SLC7A11: variants seen among roughly 807,000 people sequenced by gnomAD.
The protein encoded by SLC7A11 is cystine/glutamate transporter.
SLC7A11 carries 35 observed loss-of-function variants against 54.5 expected under a neutral mutation model. That is an observed-to-expected ratio of 0.64 (90% CI 0.49 to 0.85). The LOEUF is 0.85. Among genes scored for constraint, SLC7A11 ranks in the 40% least tolerant of loss-of-function variants. The probability of loss-of-function intolerance (pLI) is 0.00; values close to 1 mark genes in which losing one functional copy is unlikely to be tolerated. For missense variants in SLC7A11, 583 were observed against 618.1 expected (o/e 0.94, Z 0.60); for synonymous variants, 230 against 225.2 (o/e 1.02, Z -0.19).
chr4:138,180,196 C>G (rs1197850709), intron 10 of SLC7A11, among the ~76,000 whole-genome samples: 1 of 152,000 alleles, frequency 6.6e-6, no homozygotes, highest in Non-Finnish European at 1.5e-5. Flanking sequence ...TGTAACAAGT[C>G]ACAACATTTA....
At chr4:138,228,076 A>C (rs7669379) in intron 3 of SLC7A11, among the ~76,000 whole-genome samples, 62,369 of 152,022 alleles carry the variant, frequency 0.41, 13,729 homozygotes, top group Middle Eastern at 0.61. Flanking sequence ...AGATTTCAAA[A>C]AGAATATAAA....
At position 138,164,576 on chromosome 4, in the gene SLC7A11, A is replaced by G. The variant is rs983727974; in HGVS notation, c.*7380T>C. 3.3e-5 allele frequency: 5 copies of G among 152,178 alleles called. No individual in the cohort carries two copies. The highest frequency in any genetic ancestry group is 5.9e-5 in the Non-Finnish European group (4 of 68,002). 9.4% of individuals were successfully genotyped at this position (152,178 alleles called of 1,614,324 possible). Reference sequence around the variant, plus strand: ...CATAGATAAATATCTTAGTTCTAATATGATTGGAATGTGGATGCAGAAATA... The same window carrying G: ...CATAGATAAATATCTTAGTTCTAATGTGATTGGAATGTGGATGCAGAAATA... On this transcript the variant is annotated 3_prime_UTR_variant, in exon 12 of 12. Transcript: ENST00000280612.
intron 6 of SLC7A11, among the ~76,000 whole-genome samples, chr4:138,195,850 G>T (rs1157890121): frequency 6.6e-6 from 1 of 152,168 alleles, no homozygotes; most frequent in African/African-American, 2.4e-5. Context: ...GAGAAGGGTT[G>T]TCAGGACGGT....
intron 7 of SLC7A11, 119 bp from the exon 8 acceptor site, chr4:138,183,424 A>T (rs1347488788): frequency 1.8e-5 from 12 of 678,536 alleles, no homozygotes; most frequent in Non-Finnish European, 2.9e-5. Flanking sequence ...TGTATGTTTT[A>T]TAATTTCTCT....
intron 4 of SLC7A11, among the ~76,000 whole-genome samples, chr4:138,221,554 TTC>T (rs1295717857): frequency 6.6e-6 from 1 of 152,164 alleles, no homozygotes; most frequent in Non-Finnish European, 1.5e-5. Context: ...CTCAGGGAAT[TTC>T]TCTGTTGTGT....
intron 3 of SLC7A11, 66 bp from the exon 4 acceptor site, chr4:138,223,390 T>C (rs1737864243): frequency 1.9e-6 from 3 of 1,568,918 alleles, no homozygotes; most frequent in Non-Finnish European, 2.6e-6. Context: ...TTTAGGTCCT[T>C]GTTACTCAAA....
chr4:138,180,288 C>A (rs1397639224), intron 10 of SLC7A11, among the ~76,000 whole-genome samples: 1 of 152,236 alleles, frequency 6.6e-6, no homozygotes, highest in East Asian at 1.9e-4. Context: ...CTCCTCCTCA[C>A]CATGGCTGTC....
chr4:138,195,874 G>A (rs1417865891), intron 6 of SLC7A11, among the ~76,000 whole-genome samples: 1 of 152,130 alleles, frequency 6.6e-6, no homozygotes, highest in Non-Finnish European at 1.5e-5. Flanking sequence ...TTATCCTCAA[G>A]CATAACTCTG....
chr4:138,223,243 G>T lies in SLC7A11; in HGVS notation c.602C>A (p.Ala201Glu). 1 of 1,613,520 alleles carries T rather than the reference G, an allele frequency of 6.2e-7. No individual in the cohort carries two copies. The highest frequency in any genetic ancestry group is 2.2e-5 in the East Asian group (1 of 44,872). Residue 201 changes from alanine (A) to glutamate (E), a missense_variant, in exon 4 of 12, where the codon GCA becomes GAA. By Grantham distance (107) the Ala-to-Glu change is moderately radical. Coordinates refer to ENST00000280612, the MANE Select transcript of SLC7A11 (RefSeq NM_014331.4). ...QIFLTFCKLT[A>E]ILIIIVPGVM... ...TCCAGGGACTATAATTATCAGAATT[G>T]CTGTGAGCTTGCAAAAGGTTAAGAA...
rs961095003 is a variant in SLC7A11 at position 138,167,662 on chromosome 4, A to G, written c.*4294T>C. On this transcript the variant is annotated 3_prime_UTR_variant, in exon 12 of 12. Transcript: ENST00000280612. ...TGACCCATTATCTACTCTAATTTAT[A>G]TCCACTATGAGCTTCTTCCCAGTTG... 2 of 152,206 alleles carry G rather than the reference A, an allele frequency of 1.3e-5. No homozygotes were observed. The highest frequency in any genetic ancestry group is 2.4e-5 in the African/African-American group (1 of 41,462). The allele number at this position is 152,206 out of a possible 1,614,324, so 9.4% of individuals were successfully genotyped here.
intron 7 of SLC7A11, among the ~76,000 whole-genome samples, chr4:138,184,380 T>C (rs1165030217): frequency 2.0e-5 from 3 of 152,258 alleles, no homozygotes; most frequent in East Asian, 3.9e-4. Flanking sequence ...TTCATTGTTA[T>C]GAGGTCAAGA....
At chr4:138,194,940 T>G (rs1737096804) in intron 6 of SLC7A11, among the ~76,000 whole-genome samples, 1 of 152,212 alleles carries the variant, frequency 6.6e-6, no homozygotes, top group African/African-American at 2.4e-5. Context: ...CACTTGCTCA[T>G]GTAACAGAGC....
At chr4:138,186,935 A>C (rs1736895776) in intron 6 of SLC7A11, among the ~76,000 whole-genome samples, 1 of 152,176 alleles carries the variant, frequency 6.6e-6, no homozygotes, top group Admixed American at 6.5e-5. Flanking sequence ...AGAGGAAAAG[A>C]AGAAGAGAAA....
rs921800406 is a variant in SLC7A11, at chr4:138,164,301, A to C, written c.*7655T>G. The C allele has an allele frequency of 3.3e-5, 5 of 152,144 alleles. No homozygotes were observed. The highest frequency in any genetic ancestry group is 1.2e-4 in the African/African-American group (5 of 41,446). The allele number at this position is 152,144 out of a possible 1,614,324, so 9.4% of individuals were successfully genotyped here. A position where few individuals can be genotyped will look rare whatever the true frequency, so the allele number is the denominator to read the frequency against. On this transcript the variant is annotated 3_prime_UTR_variant, in exon 12 of 12. Transcript: ENST00000280612. ...TATTCCATACAAAAGCACATGCATCAAGAGTTTCCATAAGATGAAAACAAA... is the reference window on the plus strand; with the variant it reads ...TATTCCATACAAAAGCACATGCATCCAGAGTTTCCATAAGATGAAAACAAA...
chr4:138,173,454 G>A (rs1479924065), intron 11 of SLC7A11, among the ~76,000 whole-genome samples: 3 of 151,920 alleles, frequency 2.0e-5, no homozygotes, highest in Non-Finnish European at 4.4e-5. Flanking sequence ...CACTAACATG[G>A]AGAAACCCCA....
At chr4:138,181,493 C>A (rs1018784375) in intron 9 of SLC7A11, among the ~76,000 whole-genome samples, 2 of 152,002 alleles carry the variant, frequency 1.3e-5, no homozygotes, top group African/African-American at 2.4e-5. Flanking sequence ...TCTGTTCCCA[C>A]AAGTGACGTT....
intron 6 of SLC7A11, among the ~76,000 whole-genome samples, chr4:138,191,942 T>C (rs4863770): frequency 0.37 from 56,026 of 151,886 alleles, 10,806 homozygotes; most frequent in Middle Eastern, 0.52. Flanking sequence ...AACAAAAAAC[T>C]AAGAACACAA....
At chr4:138,219,795 T>C (rs2148443338) in intron 4 of SLC7A11, among the ~76,000 whole-genome samples, 1 of 152,296 alleles carries the variant, frequency 6.6e-6, no homozygotes, top group East Asian at 1.9e-4. Context: ...AATGAGGAGA[T>C]GGAAATAAAT....
intron 11 of SLC7A11, among the ~76,000 whole-genome samples, chr4:138,172,880 G>A (rs149524443): frequency 3.3e-5 from 5 of 152,158 alleles, no homozygotes; most frequent in South Asian, 2.1e-4. Context: ...AGTTTCACTC[G>A]TTGCCCAGGT....
Sources: allele counts gnomAD v4.1 joint callset (sites outside exome capture counted in the v4.1 genomes callset), GRCh38; gene constraint gnomAD v4.1.1; transcripts MANE v1.5; gene names NCBI Gene and HGNC (gene_info 2026-07-23, HGNC 2026-07-21).